Variants in PCSK4 observed in about 807,000 individuals in gnomAD.
The protein encoded by PCSK4 is proprotein convertase subtilisin/kexin type 4.
PCSK4 carries 64 observed loss-of-function variants against 80.3 expected under a neutral mutation model. The ratio of observed to expected loss-of-function variants is 0.80; its 90% CI spans 0.65 to 0.98. The LOEUF (loss-of-function observed/expected upper bound fraction) is 0.98, where lower values mean the gene tolerates loss of function less well. PCSK4 is among the 50% of genes least tolerant of loss of function. PCSK4 has a pLI of 0.00. For synonymous variants in PCSK4, 561 were observed against 487.6 expected (o/e 1.15, Z -1.98); for missense variants, 1,213 against 1,093.6 (o/e 1.11, Z -1.54).
At chr19:1,487,660 C>A in exon 6 of PCSK4, 3 of 1,555,104 alleles carry the variant, frequency 1.9e-6, no homozygotes, top group Non-Finnish European at 2.6e-6. Context: ...TTGGCCATCG[C>A]GGCCACCTCC....
chr19:1,489,761 G>A (rs755843984), intron 2 of PCSK4, 32 bp downstream of exon 2: 3 of 1,584,684 alleles, frequency 1.9e-6, no homozygotes, highest in Non-Finnish European at 2.6e-6. Flanking sequence ...CTGAGACCCC[G>A]GGCAGGGGGT....
chr19:1,482,283 G>A (rs1292212432), intron 14 of PCSK4, 70 bp downstream of exon 14: 7 of 1,530,254 alleles, frequency 4.6e-6, no homozygotes, highest in Admixed American at 2.0e-5. Context: ...CCCGCCTGGG[G>A]CCACATGCAC....
intron 6 of PCSK4, 62 bp from the exon 7 acceptor site, chr19:1,487,375 G>A (rs375558187): frequency 5.0e-5 from 56 of 1,122,904 alleles, no homozygotes; most frequent in South Asian, 4.9e-4. Flanking sequence ...ACCCCAGCCC[G>A]CCCCGCGCCA....
intron 8 of PCSK4, among the ~76,000 whole-genome samples, chr19:1,485,107 C>T (rs144170173): frequency 1.1e-4 from 17 of 151,980 alleles, no homozygotes; most frequent in African/African-American, 4.1e-4. Flanking sequence ...AAGATTGCAC[C>T]ACTGCACTCC....
At position 1,483,879 on chromosome 19, in the gene PCSK4, A is replaced by AG. The variant is rs1231646487; in HGVS notation, c.1231dup (p.Leu411ProfsTer121). ...GTTGGTCCTCCAGTCCTCGGCCTGC[A>AG]GGTGCGCCGGCTTGGACGCGCGGAC... On this transcript the variant is annotated frameshift_variant, in exon 10 of 15. Transcript: ENST00000300954. LOFTEE classifies it high-confidence loss of function. 1 of 1,494,760 alleles carries AG rather than the reference A, an allele frequency of 6.7e-7. No individual in the cohort carries two copies. The highest frequency in any genetic ancestry group is 1.5e-5 in the African/African-American group (1 of 68,376). 92.6% of individuals were successfully genotyped at this position (1,494,760 alleles called of 1,614,324 possible). A position where few individuals can be genotyped will look rare whatever the true frequency, so the allele number is the denominator to read the frequency against.
At chr19:1,487,802 G>A (rs768282158) in exon 5 of PCSK4, 22 of 1,577,942 alleles carry the variant, frequency 1.4e-5, no homozygotes, top group Middle Eastern at 1.7e-4. Flanking sequence ...CTTTGCTGGG[G>A]GTGTAGCGGG....
intron 8 of PCSK4, among the ~76,000 whole-genome samples, chr19:1,484,484 C>T (rs1056760885): frequency 6.7e-6 from 1 of 150,228 alleles, no homozygotes; most frequent in African/African-American, 2.5e-5. Flanking sequence ...CAGAGCCAGA[C>T]TCTGGATTAA....
rs568125428 is a variant in PCSK4 at position 1,482,825 on chromosome 19, C to G, written c.1696+71G>C. ...CCCTTTTGCAGTGCGGTCACCAAGG[C>G]TAGCTCCAGAGCCCCTGGGGGGAGG... is the stretch of plus-strand genomic sequence containing the variant. On this transcript the variant is annotated intron_variant, in intron 13 of 14. Coordinates refer to ENST00000300954, the Ensembl canonical transcript of PCSK4. The G allele has an allele frequency of 1.7e-5, 27 of 1,550,552 alleles. No individual in the cohort carries two copies. The African/African-American group carries it at 3.6e-4, about 21-fold the overall frequency.
chr19:1,482,479 G>A lies in PCSK4; in HGVS notation c.1697-4C>T, dbSNP rs766302692. The A allele has an allele frequency of 2.5e-6, 4 of 1,599,836 alleles. No homozygotes were observed. Among genetic ancestry groups the A allele is most frequent in the South Asian group, 2.2e-5 (2 of 90,854 alleles). ...AGCGTGTAGCGGTACAACGTCCCTG[G>A]ACAGGGGTCGCGGGTGGGCACAGGA... On this transcript the variant is annotated splice_polypyrimidine_tract_variant and splice_region_variant and intron_variant, in intron 13 of 14. Coordinates refer to ENST00000300954, the Ensembl canonical transcript of PCSK4.
intron 1 of PCSK4, 51 bp downstream of exon 1, chr19:1,490,107 T>G (rs370772889): frequency 1.9e-4 from 306 of 1,605,006 alleles, no homozygotes; most frequent in Admixed American, 2.5e-4. Context: ...GGTCTAGGGT[T>G]GTTCAGTCCC....
At chr19:1,489,797 G>C (rs1266062494) in exon 2 of PCSK4, 1 of 1,610,054 alleles carries the variant, frequency 6.2e-7, no homozygotes, top group Non-Finnish European at 8.5e-7. Flanking sequence ...GCTCACCTTG[G>C]GGTTTTTCTT....
At chr19:1,487,368 C>G (rs2084682607) in intron 6 of PCSK4, 55 bp from the exon 7 acceptor site, 1 of 1,414,360 alleles carries the variant, frequency 7.1e-7, no homozygotes, top group Non-Finnish European at 9.6e-7. Flanking sequence ...TCCCCACACC[C>G]CAGCCCGCCC....
At position 1,487,587 on chromosome 19, in the gene PCSK4, G is replaced by A; in HGVS notation, c.682+16C>T. 1 of 1,544,086 alleles carries A rather than the reference G, an allele frequency of 6.5e-7. No individual in the cohort carries two copies. The stretch of plus-strand genomic sequence containing the variant: ...CTCTCTGTCCCGGAATGGTGCCGCT[G>A]GGGGACCCCGGGTACCTCCGATTCG... On this transcript the variant is annotated intron_variant, in intron 6 of 14. Coordinates refer to ENST00000300954, the Ensembl canonical transcript of PCSK4.
At position 1,482,375 on chromosome 19, in the gene PCSK4, CCGCTGCACACACG is replaced by C; in HGVS notation, c.1784_1796del (p.Ala595GlyfsTer36). ...CACCCTGGCACAGCCCCTCTGTGTC[CCGCTGCACACACG>C]CGCTGCTGGTCACCTGGGGGCCTGT... On this transcript the variant is annotated frameshift_variant, in exon 14 of 15. Coordinates refer to ENST00000300954, the Ensembl canonical transcript of PCSK4. LOFTEE classifies it low-confidence loss of function (END_TRUNC). The C allele has an allele frequency of 6.5e-7, 1 of 1,546,180 alleles. No individual in the cohort carries two copies. The highest frequency in any genetic ancestry group is 8.7e-7 in the Non-Finnish European group (1 of 1,148,710).
At position 1,487,772 on chromosome 19, in the gene PCSK4, G is replaced by C; in HGVS notation, c.593+13C>G. ...CTGGGGCTTCCCCCGTGTGCTGTGG[G>C]AGCCCTGCTCACCGGTTCTCTTTGC... On this transcript the variant is annotated intron_variant, in intron 5 of 14. Transcript: ENST00000300954. The C allele has an allele frequency of 6.4e-7, 1 of 1,565,840 alleles. No homozygotes were observed. Among genetic ancestry groups the C allele is most frequent in the Non-Finnish European group, 8.7e-7 (1 of 1,153,622 alleles).
At chr19:1,490,281 C>T in exon 1 of PCSK4, 1 of 1,595,956 alleles carries the variant, frequency 6.3e-7, no homozygotes, top group Non-Finnish European at 8.5e-7. Context: ...ACCCCACAGC[C>T]CGGGGGCGGA....
chr19:1,486,578 C>G (rs796391244), intron 8 of PCSK4, among the ~76,000 whole-genome samples: 10 of 151,176 alleles, frequency 6.6e-5, no homozygotes, highest in African/African-American at 2.2e-4. Context: ...TTACAGGCGT[C>G]AGCCACCGTG....
chr19:1,482,660 C>T (rs1194014444), intron 13 of PCSK4, 185 bp from the exon 14 acceptor site: 24 of 819,724 alleles, frequency 2.9e-5, no homozygotes, highest in Non-Finnish European at 4.3e-5. Flanking sequence ...GGTGACTGCA[C>T]ACCTACTGTG....
At chr19:1,482,036 G>T in exon 15 of PCSK4, 1 of 1,566,346 alleles carries the variant, frequency 6.4e-7, no homozygotes, top group South Asian at 1.2e-5. Context: ...GCAGTCCCTC[G>T]GGGAGCCGCC....
Sources: allele counts gnomAD v4.1 joint callset (sites outside exome capture counted in the v4.1 genomes callset), GRCh38; gene constraint gnomAD v4.1.1; transcripts MANE v1.5; gene names NCBI Gene and HGNC (gene_info 2026-07-23, HGNC 2026-07-21).